Variants in NXPE2 observed in about 807,000 individuals in gnomAD.
NXPE2 encodes the protein NXPE family member 2.
In NXPE2, 34 loss-of-function variants were observed where a neutral mutation model predicts 34.4. That is an observed-to-expected ratio of 0.99 (90% CI 0.75 to 1.31). NXPE2 has a LOEUF of 1.31. Among genes scored for constraint, NXPE2 ranks in the 40% most tolerant of loss-of-function variants. The probability of loss-of-function intolerance (pLI) is 0.00; values close to 1 mark genes in which losing one functional copy is unlikely to be tolerated. For missense variants in NXPE2, 649 were observed against 672.5 expected (o/e 0.97, Z 0.39); for synonymous variants, 235 against 231.3 (o/e 1.02, Z -0.15).
At chr11:114,787,439 G>A in the NXPE2 span, among the ~76,000 whole-genome samples, 1 of 152,150 alleles carries the variant, frequency 6.6e-6, no homozygotes, top group Non-Finnish European at 1.5e-5. Context: ...TGGCTGAGCT[G>A]ATAATGCCAG....
chr11:114,610,848 AG>A, the NXPE2 span, among the ~76,000 whole-genome samples: 2 of 150,584 alleles, frequency 1.3e-5, no homozygotes, highest in Non-Finnish European at 3.0e-5. Context: ...TATTGCCTCT[AG>A]GGTAACCACT....
chr11:114,496,350 A>T, the NXPE2 span, among the ~76,000 whole-genome samples: 1 of 151,972 alleles, frequency 6.6e-6, no homozygotes, highest in Non-Finnish European at 1.5e-5. Context: ...AAGTGCACAG[A>T]TTTTCCCTCT....
chr11:114,705,965 G>T lies in NXPE2; in HGVS notation c.1113G>T (p.Gln371His). 6.7e-7 allele frequency: 1 copy of T among 1,487,656 alleles called. No individual in the cohort carries two copies. 92.2% of individuals were successfully genotyped at this position (1,487,656 alleles called of 1,614,324 possible). Residue 371 changes from glutamine to histidine, a missense_variant, in exon 5 of 6, where the codon CAG (glutamine) becomes CAT (histidine). Transcript: ENST00000389586. ...TCATGGGAGATTCAACACTGCATCA[G>T]TGGATTTACTACTTACAAAAAGCTG... ...IYLMGDSTLHQWIYYLQKAVK... is the reference protein window; with the variant it reads ...IYLMGDSTLHHWIYYLQKAVK...
upstream of NXPE2, among the ~76,000 whole-genome samples, chr11:114,676,519 C>T (rs1272425771): frequency 6.6e-6 from 1 of 151,896 alleles, no homozygotes; most frequent in Admixed American, 6.6e-5. Context: ...TGTCAAGCCT[C>T]ACTAATCATC....
the NXPE2 span, chr11:114,530,543 C>T: frequency 1.2e-6 from 2 of 1,613,994 alleles, no homozygotes; most frequent in Admixed American, 1.7e-5. Context: ...AGTCCATCAC[C>T]TTTCCTGAAG....
chr11:114,518,548 A>G, the NXPE2 span, among the ~76,000 whole-genome samples: 2 of 152,164 alleles, frequency 1.3e-5, no homozygotes, highest in African/African-American at 2.4e-5. Context: ...GATCTTTTGG[A>G]TATATTTGGA....
chr11:114,733,128 G>T, the NXPE2 span, among the ~76,000 whole-genome samples: 8 of 151,818 alleles, frequency 5.3e-5, no homozygotes, highest in Non-Finnish European at 1.2e-4. Flanking sequence ...ACGGAGTCTC[G>T]CTCTGTCACC....
In NXPE2 at chr11:114,702,904, A is replaced by C. The variant is rs188323485; in HGVS notation, c.867-1087A>C. 1.9e-3 allele frequency among the ~76,000 whole-genome samples: 288 copies of C among 152,270 alleles called. 1 individual carries two copies. Among genetic ancestry groups the C allele is most frequent in the African/African-American group, 6.6e-3 (274 of 41,548 alleles). On this transcript the variant is annotated intron_variant, in intron 3 of 5. Transcript: ENST00000389586. ...CAGGCAATTCTTCTCAATCTTAGAA[A>C]GGGCTTTCTCTATCCCTTTTGAAGG... is the stretch of plus-strand genomic sequence containing the variant.
At chr11:114,474,130 G>A in the NXPE2 span, among the ~76,000 whole-genome samples, 4 of 152,170 alleles carry the variant, frequency 2.6e-5, no homozygotes, top group Admixed American at 6.5e-5. Flanking sequence ...CAGTTGTCTA[G>A]TAGCCGCCAT....
the NXPE2 span, among the ~76,000 whole-genome samples, chr11:114,471,989 G>T: frequency 6.6e-6 from 1 of 152,108 alleles, no homozygotes; most frequent in Non-Finnish European, 1.5e-5. Flanking sequence ...GCATTACTTT[G>T]ATCCCTTTAA....
chr11:114,611,375 G>T, the NXPE2 span, among the ~76,000 whole-genome samples: 1 of 149,680 alleles, frequency 6.7e-6, no homozygotes, highest in African/African-American at 2.5e-5. Context: ...GATAATAAGT[G>T]TTGCCTCGTG....
the NXPE2 span, among the ~76,000 whole-genome samples, chr11:114,487,370 G>C: frequency 3.3e-5 from 5 of 151,866 alleles, no homozygotes; most frequent in Non-Finnish European, 7.4e-5. Context: ...CTGAATTTTC[G>C]TATCAGTTCT....
chr11:114,797,003 G>A, the NXPE2 span, among the ~76,000 whole-genome samples: 1 of 152,350 alleles, frequency 6.6e-6, no homozygotes, highest in East Asian at 1.9e-4. Context: ...AGCTGGAGAT[G>A]TAAACGGAAT....
chr11:114,733,319 T>C, the NXPE2 span, among the ~76,000 whole-genome samples: 1 of 152,174 alleles, frequency 6.6e-6, no homozygotes, highest in East Asian at 1.9e-4. Flanking sequence ...GGTCTCGATC[T>C]CCTGACCTCG....
At chr11:114,572,521 A>G in the NXPE2 span, among the ~76,000 whole-genome samples, 3,363 of 152,312 alleles carry the variant, frequency 0.022, 133 homozygotes, top group African/African-American at 0.077. Context: ...TAAATAAAAA[A>G]CAATCACAAT....
chr11:114,499,861 C>G, the NXPE2 span, among the ~76,000 whole-genome samples: 2 of 152,040 alleles, frequency 1.3e-5, no homozygotes, highest in Non-Finnish European at 2.9e-5. Flanking sequence ...TATATGAAAT[C>G]TTACAGTATG....
At chr11:114,652,437 ATTTGAGAT>A in the NXPE2 span, among the ~76,000 whole-genome samples, 2 of 152,172 alleles carry the variant, frequency 1.3e-5, no homozygotes, top group African/African-American at 4.8e-5. Context: ...CACTTTCAGG[ATTTGAGAT>A]TTTGGGCAGA....
the NXPE2 span, among the ~76,000 whole-genome samples, chr11:114,520,816 T>C: frequency 6.6e-6 from 1 of 152,324 alleles, no homozygotes; most frequent in South Asian, 2.1e-4. Flanking sequence ...AAATTGAGCA[T>C]CTTTCTTACA....
the NXPE2 span, among the ~76,000 whole-genome samples, chr11:114,650,576 A>G: frequency 6.6e-6 from 1 of 151,144 alleles, no homozygotes; most frequent in Admixed American, 6.6e-5. Context: ...GAAGTGAGAA[A>G]AAATCTACAC....
Sources: gnomAD v4.1 joint callset for allele counts (sites outside exome capture counted in the v4.1 genomes callset) on GRCh38, gnomAD v4.1.1 for gene constraint, MANE v1.5 for transcripts, NCBI Gene and HGNC (gene_info 2026-07-23, HGNC 2026-07-21) for gene names.